The following KASH5 variants were observed in gnomAD, a reference collection of about 807,000 sequenced individuals.
KASH5 encodes KASH domain containing 5.
A neutral mutation model predicts 84.2 loss-of-function variants in KASH5; 72 were observed. The ratio of observed to expected loss-of-function variants is 0.85; its 90% CI spans 0.71 to 1.04. KASH5 has a LOEUF of 1.04. KASH5 is among the 50% of genes least tolerant of loss of function. KASH5 has a pLI of 0.00. For missense variants in KASH5, 650 were observed against 701.0 expected (o/e 0.93, Z 0.82); for synonymous variants, 260 against 279.1 (o/e 0.93, Z 0.68).
Position 49,399,100 on chromosome 19 carries a change from G to A in KASH5, c.705G>A (p.Leu235=). The part of the protein sequence containing the change: ...LEDLKTLARS[L]EEQNRSLLAQ... ...ACCTGAAGACTCTGGCCAGGAGCCT[G>A]GAGGAACAGAATCGCAGCCTTCTGG... Residue 235 remains leucine, a synonymous_variant, in exon 8 of 20, where the codon CTG becomes CTA. Transcript: ENST00000447857. This position sits in a 1 kb window ranked among gnomAD's most constrained non-coding sequence, Gnocchi z 4.4. 1 of 1,551,688 alleles carries A rather than the reference G, an allele frequency of 6.4e-7. No homozygotes were observed. Among genetic ancestry groups the A allele is most frequent in the African/African-American group, 1.4e-5 (1 of 73,164 alleles).
In KASH5 at chr19:49,391,274, A is replaced by C. The variant is rs544672382; in HGVS notation, c.43+348A>C. Among the ~76,000 whole-genome samples the C allele has an allele frequency of 2.0e-5, 3 of 152,026 alleles. No homozygotes were observed. In the East Asian group the frequency reaches 5.8e-4, roughly 29 times the overall value. On this transcript the variant is annotated intron_variant, in intron 2 of 19. Transcript: ENST00000447857. The stretch of plus-strand genomic sequence containing the variant: ...CCCCTGCCCCGCTTCATTTCTCTTC[A>C]CAGTGCTCACATCTGTATGTCATGT...
At chr19:49,410,721 T>C (rs1404447215) in intron 15 of KASH5, among the ~76,000 whole-genome samples, 1 of 151,990 alleles carries the variant, frequency 6.6e-6, no homozygotes, top group East Asian at 1.9e-4. Flanking sequence ...CTCCTGATCT[T>C]AGGTGATCTG....
intron 15 of KASH5, 26 bp downstream of exon 15, chr19:49,409,901 C>T: frequency 6.2e-7 from 1 of 1,610,410 alleles, no homozygotes; most frequent in Non-Finnish European, 8.5e-7. Context: ...GCTCTGAAGT[C>T]CAGGAGCTGG....
At chr19:49,389,142 CAA>C (rs1396298279) in intron 1 of KASH5, among the ~76,000 whole-genome samples, 2 of 98,750 alleles carry the variant, frequency 2.0e-5, no homozygotes, top group Non-Finnish European at 3.7e-5. Flanking sequence ...CCGCATAAAT[CAA>C]GACCCCCAAA....
Position 49,395,107 on chromosome 19 carries a change from C to T in KASH5, c.150C>T (p.Gly50=), listed in dbSNP as rs750058095. ...CCCTCACTGCATGCTCTGTCACAGG[C>T]ACTGTGGCTGTGGCCCAGGTGCTGG... ...TFEACDPQRT[G]TVAVAQVLAY... Residue 50 remains glycine (G), a splice_region_variant and synonymous_variant, in exon 4 of 20, where the codon GGC becomes GGT. Transcript: ENST00000447857. The surrounding 1 kb of genome is among the most constrained non-coding windows in gnomAD (Gnocchi z 4.4). 14 of 1,605,566 alleles carry T rather than the reference C, an allele frequency of 8.7e-6. No individual in the cohort carries two copies. In the Admixed American group the frequency reaches 1.2e-4, roughly 14 times the overall value.
Position 49,414,835 on chromosome 19 carries a change from G to A in KASH5, c.1329-116G>A, listed in dbSNP as rs910512790. ...TGCCTGGCCTCCCCCAGGCCCGTCC[G>A]TGCTGCCTGGCCTGTGCTAAGACCC... On this transcript the variant is annotated intron_variant, in intron 16 of 19. Transcript: ENST00000447857. This position sits in a 1 kb window ranked among gnomAD's most constrained non-coding sequence, Gnocchi z 4.5. 2.5e-6 allele frequency: 3 copies of A among 1,222,620 alleles called. No individual in the cohort carries two copies. The highest frequency in any genetic ancestry group is 2.6e-5 in the South Asian group (2 of 77,274). The allele number at this position is 1,222,620 out of a possible 1,614,324, so 75.7% of individuals were successfully genotyped here.
chr19:49,406,752 T>C, intron 9 of KASH5, 134 bp from the exon 10 acceptor site: 1 of 756,852 alleles, frequency 1.3e-6, no homozygotes, highest in Non-Finnish European at 2.2e-6. Flanking sequence ...TTGGAGGAAT[T>C]AAATGGGTTA....
At chr19:49,389,834 G>T in intron 1 of KASH5, 1 of 153,068 alleles carries the variant, frequency 6.5e-6, no homozygotes, top group Non-Finnish European at 1.5e-5. Context: ...TCCTGTCACT[G>T]CTGCAGGGAC....
Position 49,417,377 on chromosome 19 carries a change from G to A in KASH5, c.1556G>A (p.Arg519Gln), listed in dbSNP as rs145412981. 1.1e-3 allele frequency: 1,708 copies of A among 1,552,474 alleles called. 2 individuals are homozygous for A. The highest frequency in any genetic ancestry group is 2.8e-3 in the African/African-American group (205 of 73,174). Reference sequence around the variant, plus strand: ...TCCCACCTCCCCACCAGAGTCACTCGACATCCACTGATCCCAGCTCCTGTC... The same window carrying A: ...TCCCACCTCCCCACCAGAGTCACTCAACATCCACTGATCCCAGCTCCTGTC... ...CLPPQRLRVT[R>Q]HPLIPAPVLG... The change falls in exon 20 of 20, where the codon CGA becomes CAA. Residue 519 changes from arginine (R) to glutamine (Q), a missense_variant. Arg to Gln is a conservative substitution (Grantham distance 43). Transcript: ENST00000447857. This position sits in a 1 kb window ranked among gnomAD's most constrained non-coding sequence, Gnocchi z 5.2.
intron 7 of KASH5, among the ~76,000 whole-genome samples, chr19:49,398,372 C>CTTTT (rs764459352): frequency 1.0e-4 from 15 of 143,068 alleles, no homozygotes; most frequent in African/African-American, 3.6e-4. Context: ...CTCTCTCTCT[C>CTTTT]TTTTTTTTTT....
chr19:49,399,776 C>A lies in KASH5; in HGVS notation c.798+269C>A. ...GCCTCCCTTCTCTGTGCCTCAGTTGCCTCACCTATAAAGATGAACAAAACA... is the reference window on the plus strand; with the variant it reads ...GCCTCCCTTCTCTGTGCCTCAGTTGACTCACCTATAAAGATGAACAAAACA... On this transcript the variant is annotated intron_variant, in intron 9 of 19. Coordinates refer to ENST00000447857, the MANE Select transcript of KASH5 (RefSeq NM_144688.5). This position sits in a 1 kb window ranked among gnomAD's most constrained non-coding sequence, Gnocchi z 4.4. 1.2e-6 allele frequency: 1 copy of A among 831,274 alleles called. No individual in the cohort carries two copies. The highest frequency in any genetic ancestry group is 1.7e-6 in the Non-Finnish European group (1 of 573,212). The allele number at this position is 831,274 out of a possible 1,614,324, so 51.5% of individuals were successfully genotyped here. A position where few individuals can be genotyped will look rare whatever the true frequency, so the allele number is the denominator to read the frequency against.
In KASH5 at chr19:49,417,331, C is replaced by T; in HGVS notation, c.1548-38C>T. On this transcript the variant is annotated intron_variant, in intron 19 of 19. Coordinates refer to ENST00000447857, the MANE Select transcript of KASH5 (RefSeq NM_144688.5). This position sits in a 1 kb window ranked among gnomAD's most constrained non-coding sequence, Gnocchi z 5.2. ...GACATTGGGAAGAGCAGGGGCTGCC[C>T]AGACCCTGCCCTAAATGCTCTCCCA... 1 of 1,564,682 alleles carries T rather than the reference C, an allele frequency of 6.4e-7. No individual in the cohort carries two copies. The highest frequency in any genetic ancestry group is 8.7e-7 in the Non-Finnish European group (1 of 1,153,930).
intron 9 of KASH5, among the ~76,000 whole-genome samples, chr19:49,401,510 T>C (rs1974359311): frequency 6.6e-6 from 1 of 152,296 alleles, no homozygotes; most frequent in South Asian, 2.1e-4. Flanking sequence ...CACAAGAAAG[T>C]AGCATCTCTA....
At position 49,398,054 on chromosome 19, in the gene KASH5, T is replaced by C. The variant is rs1458642260; in HGVS notation, c.540T>C (p.Asn180=). 2 of 1,613,808 alleles carry C rather than the reference T, an allele frequency of 1.2e-6. No homozygotes were observed. The highest frequency in any genetic ancestry group is 1.1e-5 in the South Asian group (1 of 91,068). ...GCAACCGACGTCTGGTTGGGGAGAATGCCAAATTGCAGCGGAGCATGGAGA... is the reference window on the plus strand; with the variant it reads ...GCAACCGACGTCTGGTTGGGGAGAACGCCAAATTGCAGCGGAGCATGGAGA... ...ELSNRRLVGE[N]AKLQRSMETA... The change falls in exon 7 of 20, where the codon AAT becomes AAC. Residue 180 remains asparagine, a synonymous_variant. Coordinates refer to ENST00000447857, the MANE Select transcript of KASH5 (RefSeq NM_144688.5).
rs1375954699 is a variant in KASH5, at chr19:49,390,807, G to T, written c.-77G>T. 6.7e-7 allele frequency: 1 copy of T among 1,495,522 alleles called. No individual in the cohort carries two copies. The highest frequency in any genetic ancestry group is 2.4e-5 in the East Asian group (1 of 40,906). The allele number at this position is 1,495,522 out of a possible 1,614,324, so 92.6% of individuals were successfully genotyped here. A position where few individuals can be genotyped will look rare whatever the true frequency, so the allele number is the denominator to read the frequency against. Reference sequence around the variant, plus strand: ...CTTCCAGGAGTGCTCGGGCCAGCTGGTCCTTTTCCCATCCCTCCCCATGAA... The same window carrying T: ...CTTCCAGGAGTGCTCGGGCCAGCTGTTCCTTTTCCCATCCCTCCCCATGAA... On this transcript the variant is annotated 5_prime_UTR_variant, in exon 2 of 20. Transcript: ENST00000447857.
Position 49,407,641 on chromosome 19 carries a change from G to A in KASH5, c.963G>A (p.Gln321=), listed in dbSNP as rs539438225. 3 of 1,604,586 alleles carry A rather than the reference G, an allele frequency of 1.9e-6. No homozygotes were observed. Among genetic ancestry groups the A allele is most frequent in the Non-Finnish European group, 2.6e-6 (3 of 1,175,636 alleles). Residue 321 remains glutamine, a synonymous_variant, in exon 12 of 20, where the codon CAG becomes CAA. Transcript: ENST00000447857. ...ERTRDVESLA[Q]TLEEYRVTTQ... is the part of the protein sequence containing the mutation. ...CTCGCGATGTGGAGAGCCTGGCCCA[G>A]ACCCTGGAAGAATACAGAGTGACGA... is the stretch of plus-strand genomic sequence containing the variant.
At position 49,390,820 on chromosome 19, in the gene KASH5, C is replaced by T; in HGVS notation, c.-64C>T. ...TCGGGCCAGCTGGTCCTTTTCCCAT[C>T]CCTCCCCATGAAGGAGGGAGGCTGG... On this transcript the variant is annotated 5_prime_UTR_variant, in exon 2 of 20. Coordinates refer to ENST00000447857, the MANE Select transcript of KASH5 (RefSeq NM_144688.5). The T allele has an allele frequency of 6.5e-7, 1 of 1,532,190 alleles. No homozygotes were observed. The highest frequency in any genetic ancestry group is 1.2e-5 in the South Asian group (1 of 81,228). The allele number at this position is 1,532,190 out of a possible 1,614,324, so 94.9% of individuals were successfully genotyped here. A position where few individuals can be genotyped will look rare whatever the true frequency, so the allele number is the denominator to read the frequency against.
In KASH5 at chr19:49,416,728, C is replaced by CT. The variant is rs1477018116; in HGVS notation, c.1375-279dup. 3.9e-5 allele frequency among the ~76,000 whole-genome samples: 6 copies of CT among 152,030 alleles called. No homozygotes were observed. Among genetic ancestry groups the CT allele is most frequent in the African/African-American group, 1.4e-4 (6 of 41,380 alleles). On this transcript the variant is annotated intron_variant, in intron 17 of 19. Coordinates refer to ENST00000447857, the MANE Select transcript of KASH5 (RefSeq NM_144688.5). This position sits in a 1 kb window ranked among gnomAD's most constrained non-coding sequence, Gnocchi z 5.4. ...GCGCTGTCCAAGCTATTGCCCCCGC[C>CT]TTTTTTTTCCTACATTCACTCATTT...
intron 9 of KASH5, among the ~76,000 whole-genome samples, chr19:49,405,039 G>A (rs554863124): frequency 6.6e-5 from 10 of 152,264 alleles, no homozygotes; most frequent in African/African-American, 2.2e-4. Context: ...GGGTCGGGGT[G>A]GAGGGGGCAG....
Sources: gnomAD v4.1 joint callset for allele counts (sites outside exome capture counted in the v4.1 genomes callset) on GRCh38, gnomAD v4.1.1 for gene constraint, Gnocchi (gnomAD v3.1) non-coding constraint, MANE v1.5 for transcripts, NCBI Gene and HGNC (gene_info 2026-07-23, HGNC 2026-07-21) for gene names.